Variants in SEL1L3 observed in about 807,000 individuals in gnomAD.
SEL1L3 encodes the protein SEL1L family member 3, also known as protein sel-1 homolog 3.
A neutral mutation model predicts 142.8 loss-of-function variants in SEL1L3; 76 were observed. The ratio of observed to expected loss-of-function variants is 0.53; its 90% confidence interval spans 0.44 to 0.64. SEL1L3 has a LOEUF of 0.64. Among genes scored for constraint, SEL1L3 ranks in the 30% least tolerant of loss-of-function variants. SEL1L3 has a pLI of 0.00. For synonymous variants in SEL1L3, 504 were observed against 519.6 expected (o/e 0.97, Z 0.41); for missense variants, 1,262 against 1,381.7 (o/e 0.91, Z 1.37).
At chr4:25,848,908 G>A (rs1175203539) in intron 1 of SEL1L3, among the ~76,000 whole-genome samples, 1 of 152,232 alleles carries the variant, frequency 6.6e-6, no homozygotes, top group Non-Finnish European at 1.5e-5. Flanking sequence ...GGAGGCCCAG[G>A]TGGGTGGATC....
chr4:25,730,153 C>T, the SEL1L3 span, among the ~76,000 whole-genome samples: 17 of 152,018 alleles, frequency 1.1e-4, no homozygotes, highest in African/African-American at 4.1e-4. Flanking sequence ...AGTCTGGTCT[C>T]GAACTCCTGA....
intron 9 of SEL1L3, among the ~76,000 whole-genome samples, chr4:25,809,920 G>A (rs186613615): frequency 9.2e-5 from 14 of 152,294 alleles, no homozygotes; most frequent in Admixed American, 2.6e-4. Context: ...CATCGCAATT[G>A]TTGGCAAAAA....
chr4:25,847,591 C>A lies in SEL1L3; in HGVS notation c.436G>T (p.Val146Leu). ...ATAATGCTTGGAAATTTCACATGTA[C>A]TATTTGTGTCCTGCTGGTGTGAAGA... ...KHLHTSRTQIVHVKFPSIMVY... is the reference protein window; with the variant it reads ...KHLHTSRTQILHVKFPSIMVY... The change falls in exon 2 of 24, where the codon GTA becomes TTA. Residue 146 changes from valine to leucine, a missense_variant. By Grantham distance (32) the Val-to-Leu change is conservative. Coordinates refer to ENST00000399878, the MANE Select transcript of SEL1L3 (RefSeq NM_015187.5). 1 of 1,613,944 alleles carries A rather than the reference C, an allele frequency of 6.2e-7. No homozygotes were observed. Among genetic ancestry groups the A allele is most frequent in the Non-Finnish European group, 8.5e-7 (1 of 1,179,868 alleles).
chr4:25,803,463 T>G (rs1038478699), intron 10 of SEL1L3, among the ~76,000 whole-genome samples: 1 of 152,216 alleles, frequency 6.6e-6, no homozygotes, highest in African/African-American at 2.4e-5. Flanking sequence ...CTATGCAAAT[T>G]TGAAAACGAA....
intron 3 of SEL1L3, among the ~76,000 whole-genome samples, chr4:25,833,770 TA>T (rs1715595764): frequency 6.6e-6 from 1 of 152,240 alleles, no homozygotes; most frequent in Non-Finnish European, 1.5e-5. Flanking sequence ...AGACAGGAGT[TA>T]AGCTTCATTG....
chr4:25,748,703 T>C, intron 23 of SEL1L3, 139 bp from the exon 24 acceptor site: 2 of 765,144 alleles, frequency 2.6e-6, no homozygotes, highest in Non-Finnish European at 2.0e-6. Context: ...CAGGCAACTC[T>C]GGACCCGTTA....
rs373501355 is a variant in SEL1L3 at position 25,818,226 on chromosome 4, C to T, written c.1476G>A (p.Ser492=). The change falls in exon 9 of 24, where the codon TCG becomes TCA. Residue 492 remains serine (S), a synonymous_variant. Transcript: ENST00000399878. The part of the protein sequence containing the change: ...LDLQRRYGRP[S]MCRAFPWEKE... ...TCTCCCAGGGGAAGGCTCTGCACAT[C>T]GAGGGTCTCCCATACCTGCGCTGGA... The T allele has an allele frequency of 4.4e-6, 7 of 1,603,300 alleles. No homozygotes were observed. Among genetic ancestry groups the T allele is most frequent in the East Asian group, 4.5e-5 (2 of 44,532 alleles).
chr4:25,853,702 C>T (rs899904733), intron 1 of SEL1L3, among the ~76,000 whole-genome samples: 2 of 122,216 alleles, frequency 1.6e-5, no homozygotes, highest in Non-Finnish European at 3.2e-5. Flanking sequence ...GATGGAGTCT[C>T]GCTCTGTCGC....
intron 23 of SEL1L3, among the ~76,000 whole-genome samples, chr4:25,752,246 G>A (rs1382993008): frequency 1.3e-5 from 2 of 151,358 alleles, no homozygotes; most frequent in Non-Finnish European, 2.9e-5. Flanking sequence ...GTGAAACCCA[G>A]TCTCTACTAA....
chr4:25,740,302 C>CA, the SEL1L3 span, among the ~76,000 whole-genome samples: 108,475 of 150,684 alleles, frequency 0.72, 38,959 homozygotes, highest in East Asian at 0.79. Context: ...GGCATGGTGG[C>CA]CACACCTGTA....
intron 11 of SEL1L3, among the ~76,000 whole-genome samples, chr4:25,794,165 T>C (rs2109200463): frequency 6.6e-6 from 1 of 152,218 alleles, no homozygotes; most frequent in East Asian, 1.9e-4. Context: ...AAAGCAAACA[T>C]TAACAAATGG....
At chr4:25,803,343 G>T (rs1193707612) in intron 10 of SEL1L3, among the ~76,000 whole-genome samples, 3 of 152,222 alleles carry the variant, frequency 2.0e-5, no homozygotes, top group Non-Finnish European at 4.4e-5. Flanking sequence ...TGTCATTCAG[G>T]AGCATCTGTA....
At chr4:25,717,095 C>T in the SEL1L3 span, among the ~76,000 whole-genome samples, 1 of 152,062 alleles carries the variant, frequency 6.6e-6, no homozygotes, top group African/African-American at 2.4e-5. Context: ...CCACTGCTCT[C>T]CAGCCTGGAT....
intron 12 of SEL1L3, among the ~76,000 whole-genome samples, chr4:25,790,090 C>G (rs997883658): frequency 6.6e-6 from 1 of 152,158 alleles, no homozygotes. Context: ...CTCTTTAGAG[C>G]TGGTCATAAA....
intron 1 of SEL1L3, among the ~76,000 whole-genome samples, chr4:25,854,870 G>A (rs1717135196): frequency 6.6e-6 from 1 of 152,268 alleles, no homozygotes. Context: ...TGTTTGACAA[G>A]TAGGAGAAGC....
intron 6 of SEL1L3, among the ~76,000 whole-genome samples, chr4:25,822,563 A>C (rs1235464295): frequency 6.6e-6 from 1 of 152,258 alleles, no homozygotes; most frequent in Non-Finnish European, 1.5e-5. Flanking sequence ...GCTTTAAAAG[A>C]AAATAACAAA....
the SEL1L3 span, among the ~76,000 whole-genome samples, chr4:25,716,120 AT>A: frequency 6.6e-6 from 1 of 152,110 alleles, no homozygotes; most frequent in Non-Finnish European, 1.5e-5. Context: ...AGGAGAATAT[AT>A]TTTCAATACA....
At chr4:25,778,174 A>G (rs567351916) in intron 16 of SEL1L3, among the ~76,000 whole-genome samples, 2 of 152,252 alleles carry the variant, frequency 1.3e-5, no homozygotes, top group African/African-American at 4.8e-5. Flanking sequence ...TTAAGTGCAG[A>G]CCAAGAAAGA....
intron 9 of SEL1L3, among the ~76,000 whole-genome samples, chr4:25,812,942 G>A (rs1449096116): frequency 1.3e-5 from 2 of 151,926 alleles, no homozygotes; most frequent in Non-Finnish European, 2.9e-5. Flanking sequence ...GAACCCAGGA[G>A]GCAGAAATTG....
Sources: gnomAD v4.1 joint callset for allele counts (sites outside exome capture counted in the v4.1 genomes callset) on GRCh38, gnomAD v4.1.1 for gene constraint, MANE v1.5 for transcripts, NCBI Gene and HGNC (gene_info 2026-07-23, HGNC 2026-07-21) for gene names.